The following MPDU1 variants were observed in gnomAD, a reference collection of about 807,000 sequenced individuals.
The protein encoded by MPDU1 is mannose-P-dolichol utilization defect 1, also known as mannose-P-dolichol utilization defect 1 protein.
In MPDU1, 18 loss-of-function variants were observed where a neutral mutation model predicts 27.6. That is an observed-to-expected ratio of 0.65 (90% CI 0.45 to 0.97). The LOEUF (loss-of-function observed/expected upper bound fraction) is 0.97. Among genes scored for constraint, MPDU1 ranks in the 50% least tolerant of loss-of-function variants. MPDU1 has a pLI of 0.00. For missense variants in MPDU1, 279 were observed against 297.4 expected, an observed-to-expected ratio of 0.94 and a Z score of 0.46; for synonymous variants, 142 against 131.1, an observed-to-expected ratio of 1.08 and a Z score of -0.57.
At chr17:7,585,683 C>G (rs746818789) in intron 1 of MPDU1, 49 bp from the exon 2 acceptor site, 2 of 1,588,958 alleles carry the variant, frequency 1.3e-6, no homozygotes, top group East Asian at 4.5e-5. Context: ...CAAGCCCTGG[C>G]CTGGGTTTCA....
chr17:7,586,423 G>A (rs1318682585), intron 3 of MPDU1: 2 of 524,664 alleles, frequency 3.8e-6, no homozygotes, highest in Admixed American at 3.1e-5. Flanking sequence ...TGGGCAACAA[G>A]AGCGAAACTC....
chr17:7,587,765 T>C lies in MPDU1; in HGVS notation c.*214T>C, dbSNP rs74965548. 3.6e-4 allele frequency: 254 copies of C among 714,416 alleles called. No individual in the cohort carries two copies. The highest frequency in any genetic ancestry group is 3.5e-3 in the African/African-American group (203 of 57,338). 44.3% of individuals were successfully genotyped at this position (714,416 alleles called of 1,614,324 possible). A position where few individuals can be genotyped will look rare whatever the true frequency, so the allele number is the denominator to read the frequency against. On this transcript the variant is annotated 3_prime_UTR_variant, in exon 7 of 7. Transcript: ENST00000250124. The stretch of plus-strand genomic sequence containing the variant: ...GGGGGTAGAGTCTCCCAAGCCAAAA[T>C]TTTGACATTTGAGTGCTTTCGTAAG...
chr17:7,585,149 G>A (rs1353220358), intron 1 of MPDU1, among the ~76,000 whole-genome samples: 2 of 152,152 alleles, frequency 1.3e-5, no homozygotes, highest in Admixed American at 6.5e-5. Flanking sequence ...ATGGAGAGCC[G>A]TGGAGGTCAA....
At chr17:7,587,347 C>G (rs926020757) in intron 6 of MPDU1, 76 bp downstream of exon 6, 46 of 1,613,394 alleles carry the variant, frequency 2.9e-5, no homozygotes, top group Non-Finnish European at 3.9e-5. Context: ...AAAGCTGCCC[C>G]GTGAGGAACC....
At position 7,586,004 on chromosome 17, in the gene MPDU1, C is replaced by G; in HGVS notation, c.228C>G (p.Leu76=). Residue 76 remains leucine (L), a synonymous_variant, in exon 3 of 7, where the codon CTC becomes CTG. Transcript: ENST00000250124. ...LGAKSAEGLS[L]QSVMLELVAL... ...CCAAGAGTGCTGAAGGGTTGAGTCT[C>G]CAGTCTGTAATGCTGGAGCTAGTGG... is the stretch of plus-strand genomic sequence containing the variant. 1 of 1,614,196 alleles carries G rather than the reference C, an allele frequency of 6.2e-7. No homozygotes were observed. Among genetic ancestry groups the G allele is most frequent in the East Asian group, 2.2e-5 (1 of 44,888 alleles).
chr17:7,585,985 G>A lies in MPDU1; in HGVS notation c.209G>A (p.Ser70Asn). The stretch of plus-strand genomic sequence containing the variant: ...GTGTTTAAAATCCTGGGAGCCAAGA[G>A]TGCTGAAGGGTTGAGTCTCCAGTCT... The part of the protein sequence containing the change: ...PQVFKILGAK[S>N]AEGLSLQSVM... Residue 70 changes from serine (S) to asparagine (N), a missense_variant, in exon 3 of 7, where the codon AGT (serine) becomes AAT (asparagine). By Grantham distance (46) the Ser-to-Asn change is conservative. Coordinates refer to ENST00000250124, the MANE Select transcript of MPDU1 (RefSeq NM_004870.4). The A allele has an allele frequency of 6.2e-7, 1 of 1,614,160 alleles. No individual in the cohort carries two copies. Among genetic ancestry groups the A allele is most frequent in the South Asian group, 1.1e-5 (1 of 91,086 alleles).
chr17:7,584,949 T>C (rs2071556344), intron 1 of MPDU1, among the ~76,000 whole-genome samples: 1 of 151,886 alleles, frequency 6.6e-6, no homozygotes, highest in Admixed American at 6.6e-5. Context: ...GCCAAGATCG[T>C]GCCATTGCAC....
intron 1 of MPDU1, chr17:7,584,369 C>G (rs901598535): frequency 2.3e-6 from 1 of 428,982 alleles, no homozygotes. Flanking sequence ...TTCTTTCCAG[C>G]CTCCAGGTTT....
At position 7,587,744 on chromosome 17, in the gene MPDU1, G is replaced by GATCCAGATCCT. The variant is rs2071609227; in HGVS notation, c.*193_*194insATCCAGATCCT. ...ATCCTTAGAAAAGGAGAGGATGGGG[G>GATCCAGATCCT]TAGAGTCTCCCAAGCCAAAATTTTG... On this transcript the variant is annotated 3_prime_UTR_variant, in exon 7 of 7. Coordinates refer to ENST00000250124, the MANE Select transcript of MPDU1 (RefSeq NM_004870.4). 1.1e-6 allele frequency: 1 copy of GATCCAGATCCT among 888,132 alleles called. No homozygotes were observed. The highest frequency in any genetic ancestry group is 1.7e-5 in the African/African-American group (1 of 60,344). The allele number at this position is 888,132 out of a possible 1,614,324, so 55.0% of individuals were successfully genotyped here. A position where few individuals can be genotyped will look rare whatever the true frequency, so the allele number is the denominator to read the frequency against.
Position 7,587,002 on chromosome 17 carries a change from T to C in MPDU1, c.492T>C (p.Ala164=). 4 of 1,502,992 alleles carry C rather than the reference T, an allele frequency of 2.7e-6. No homozygotes were observed. Among genetic ancestry groups the C allele is most frequent in the Non-Finnish European group, 3.6e-6 (4 of 1,124,428 alleles). 93.1% of individuals were successfully genotyped at this position (1,502,992 alleles called of 1,614,324 possible). The change falls in exon 5 of 7, where the codon GCT becomes GCC. Residue 164 remains alanine, a synonymous_variant. Transcript: ENST00000250124. ...VTLLQASNVP[A]VVVGRLLQAA... ...TGCTCCAGGCCTCCAATGTGCCTGC[T>C]GTGGTGGTGGGGAGGGTGGGTACCA...
In MPDU1 at chr17:7,587,443, G is replaced by C. The variant is rs148586387; in HGVS notation, c.636G>C (p.Leu212=). 85 of 1,613,852 alleles carry C rather than the reference G, an allele frequency of 5.3e-5. No individual in the cohort carries two copies. The highest frequency in any genetic ancestry group is 6.4e-5 in the Non-Finnish European group (76 of 1,180,008). ...GCAACCAGGAAACCGGAGATCCCCT[G>C]ATGGCTGGGACCTTTGTGGTCTCCT... The part of the protein sequence containing the change: ...FTSIQETGDP[L]MAGTFVVSSL... The change falls in exon 7 of 7, where the codon CTG becomes CTC. Residue 212 remains leucine, a synonymous_variant. Coordinates refer to ENST00000250124, the MANE Select transcript of MPDU1 (RefSeq NM_004870.4).
At position 7,584,663 on chromosome 17, in the gene MPDU1, T is replaced by C. The variant is rs1597861966; in HGVS notation, c.103+698T>C. 2.0e-5 allele frequency among the ~76,000 whole-genome samples: 3 copies of C among 152,148 alleles called. No homozygotes were observed. The East Asian group carries it at 5.8e-4, about 29-fold the overall frequency. The stretch of plus-strand genomic sequence containing the variant: ...CCTTGAAAGGGTAAGGTTTAGTCCC[T>C]GAGTAGGGGCCAGGGACAGTCAGAG... On this transcript the variant is annotated intron_variant, in intron 1 of 6. Transcript: ENST00000250124.
Position 7,587,832 on chromosome 17 carries a change from C to T in MPDU1, c.*281C>T, listed in dbSNP as rs2071610690. The T allele has an allele frequency of 5.4e-6, 3 of 555,472 alleles. No individual in the cohort carries two copies. The highest frequency in any genetic ancestry group is 1.9e-5 in the African/African-American group (1 of 53,666). 34.4% of individuals were successfully genotyped at this position (555,472 alleles called of 1,614,324 possible). ...TTAATTCAGTCATTCAGCCAAGCCTCCTCCTCTAGCAGCAATTTCCAGCTG... is the reference window on the plus strand; with the variant it reads ...TTAATTCAGTCATTCAGCCAAGCCTTCTCCTCTAGCAGCAATTTCCAGCTG... On this transcript the variant is annotated 3_prime_UTR_variant, in exon 7 of 7. Transcript: ENST00000250124.
chr17:7,586,658 C>T, intron 3 of MPDU1, 34 bp from the exon 4 acceptor site: 1 of 1,598,216 alleles, frequency 6.3e-7, no homozygotes, highest in Non-Finnish European at 8.6e-7. Context: ...CTTTCTAGGC[C>T]CGCCTTTCTT....
At chr17:7,587,352 G>A in intron 6 of MPDU1, 74 bp from the exon 7 acceptor site, 4 of 1,613,682 alleles carry the variant, frequency 2.5e-6, no homozygotes, top group Non-Finnish European at 3.4e-6. Context: ...TGCCCCGTGA[G>A]GAACCTTTGT....
rs1163259792 is a variant in MPDU1, at chr17:7,587,643, C to G, written c.*92C>G. On this transcript the variant is annotated 3_prime_UTR_variant, in exon 7 of 7. Coordinates refer to ENST00000250124, the MANE Select transcript of MPDU1 (RefSeq NM_004870.4). ...CAGCCTGCTGGTGTGACTTACTCAT[C>G]CTCCATTCCTCTGCACTTGCAGACT... 6.5e-7 allele frequency: 1 copy of G among 1,545,946 alleles called. No homozygotes were observed. Among genetic ancestry groups the G allele is most frequent in the Non-Finnish European group, 8.9e-7 (1 of 1,121,272 alleles).
chr17:7,586,839 G>T, intron 4 of MPDU1, 60 bp from the exon 5 acceptor site: 1 of 1,612,194 alleles, frequency 6.2e-7, no homozygotes, highest in East Asian at 2.2e-5. Flanking sequence ...GGGAACTCAG[G>T]TCTGGGAAAG....
In MPDU1 at chr17:7,587,482, C is replaced by CCTCATCGCCGCCCAG; in HGVS notation, c.678_692dup (p.Ile227_Leu231dup). ...TTGTGGTCTCCTCTCTCTGCAACGG[C>CCTCATCGCCGCCCAG]CTCATCGCCGCCCAGCTGCTCTTCT... On this transcript the variant is annotated inframe_insertion, in exon 7 of 7. Transcript: ENST00000250124. The CCTCATCGCCGCCCAG allele has an allele frequency of 6.2e-7, 1 of 1,613,816 alleles. No individual in the cohort carries two copies. Among genetic ancestry groups the CCTCATCGCCGCCCAG allele is most frequent in the African/African-American group, 1.3e-5 (1 of 74,932 alleles).
intron 1 of MPDU1, 142 bp downstream of exon 1, chr17:7,584,107 T>A: frequency 2.4e-6 from 2 of 834,730 alleles, no homozygotes; most frequent in South Asian, 1.3e-5. Context: ...AGGGCGGAAG[T>A]GTCTCGGGCT....
Sources: allele counts gnomAD v4.1 joint callset (sites outside exome capture counted in the v4.1 genomes callset), GRCh38; gene constraint gnomAD v4.1.1; transcripts MANE v1.5; gene names NCBI Gene and HGNC (gene_info 2026-07-23, HGNC 2026-07-21).